CLSTN2: variants seen among roughly 807,000 people sequenced by gnomAD.
The protein encoded by CLSTN2 is calsyntenin 2.
A neutral mutation model predicts 101.2 loss-of-function variants in CLSTN2; 48 were observed. The ratio of observed to expected loss-of-function variants is 0.47; its 90% CI spans 0.38 to 0.60. The LOEUF (loss-of-function observed/expected upper bound fraction) is 0.60, where lower values mean the gene tolerates loss of function less well. Ranked by LOEUF, CLSTN2 falls within the 20% of genes least tolerant of loss-of-function variation. The pLI is 0.00. For missense variants in CLSTN2, 1,160 were observed against 1,238.2 expected (o/e 0.94, Z 0.95); for synonymous variants, 481 against 463.6 (o/e 1.04, Z -0.48).
intron 2 of CLSTN2, among the ~76,000 whole-genome samples, chr3:140,263,631 CA>C: frequency 6.6e-6 from 1 of 152,254 alleles, no homozygotes; most frequent in Middle Eastern, 3.4e-3. Flanking sequence ...AGATGCTCCC[CA>C]AAAAACTTAC....
intron 1 of CLSTN2, among the ~76,000 whole-genome samples, chr3:140,001,584 C>A (rs949530705): frequency 1.3e-5 from 2 of 151,986 alleles, no homozygotes; most frequent in African/African-American, 4.8e-5. Context: ...AGTGGGGTAT[C>A]TATCCCCTCA....
intron 8 of CLSTN2, among the ~76,000 whole-genome samples, chr3:140,502,520 G>C (rs761836716): frequency 2.6e-5 from 4 of 152,176 alleles, no homozygotes; most frequent in Non-Finnish European, 5.9e-5. Context: ...AACACCTTTT[G>C]GAAGATGAGC....
intron 2 of CLSTN2, among the ~76,000 whole-genome samples, chr3:140,223,504 A>G (rs1408726451): frequency 6.6e-6 from 1 of 152,110 alleles, no homozygotes; most frequent in Non-Finnish European, 1.5e-5. Context: ...CGAGAGATGC[A>G]CTTCCAGTTT....
chr3:140,520,496 C>T (rs1935001601), intron 8 of CLSTN2, among the ~76,000 whole-genome samples: 2 of 152,152 alleles, frequency 1.3e-5, no homozygotes, highest in African/African-American at 2.4e-5. Context: ...TCATGAGACT[C>T]ACTCACTATC....
intron 8 of CLSTN2, among the ~76,000 whole-genome samples, chr3:140,505,390 C>G (rs142868030): frequency 5.5e-4 from 84 of 152,276 alleles, no homozygotes; most frequent in African/African-American, 1.9e-3. Context: ...GCCACTCCCC[C>G]ACAGAGCAAT....
In CLSTN2 at chr3:140,204,420, AC is replaced by A. The variant is rs1002984765; in HGVS notation, c.232+28351del. On this transcript the variant is annotated intron_variant, in intron 2 of 16. Coordinates refer to ENST00000458420, the MANE Select transcript of CLSTN2 (RefSeq NM_022131.3). Reference sequence around the variant, plus strand: ...TAAAGTGAGGTTTATCACAGTACCTACCCCACATCCTTGAGGGGAGTATTAA... The same window carrying A: ...TAAAGTGAGGTTTATCACAGTACCTACCCACATCCTTGAGGGGAGTATTAA... Among the ~76,000 whole-genome samples, 57 of 152,150 alleles carry A rather than the reference AC, an allele frequency of 3.7e-4. 1 individual carries two copies. The highest frequency in any genetic ancestry group is 1.3e-3 in the African/African-American group (53 of 41,418).
chr3:140,130,973 CT>C (rs1235830338), intron 1 of CLSTN2, among the ~76,000 whole-genome samples: 5 of 152,070 alleles, frequency 3.3e-5, no homozygotes, highest in Non-Finnish European at 7.4e-5. Context: ...GTTTCTCCCC[CT>C]GGACCCCTTT....
chr3:140,466,390 G>C (rs1048625954), intron 7 of CLSTN2, among the ~76,000 whole-genome samples: 1 of 152,284 alleles, frequency 6.6e-6, no homozygotes, highest in South Asian at 2.1e-4. Context: ...TTCTCAGCAA[G>C]AGTTTGGCTG....
At chr3:140,143,964 T>C (rs566789398) in intron 1 of CLSTN2, among the ~76,000 whole-genome samples, 2 of 152,202 alleles carry the variant, frequency 1.3e-5, no homozygotes, top group Non-Finnish European at 2.9e-5. Context: ...ACTTAATAGA[T>C]GTCTTTTGGA....
chr3:140,366,779 G>A (rs954254206), intron 2 of CLSTN2, among the ~76,000 whole-genome samples: 2 of 152,208 alleles, frequency 1.3e-5, no homozygotes, highest in African/African-American at 4.8e-5. Flanking sequence ...ATTTGTCCTT[G>A]TACTCAGGAC....
intron 1 of CLSTN2, among the ~76,000 whole-genome samples, chr3:140,092,564 G>A (rs2008797080): frequency 6.6e-6 from 1 of 152,162 alleles, no homozygotes; most frequent in Non-Finnish European, 1.5e-5. Flanking sequence ...TTCTTCCCAG[G>A]ACTGTGCTCC....
chr3:140,139,161 G>C (rs558346970), intron 1 of CLSTN2, among the ~76,000 whole-genome samples: 1 of 152,302 alleles, frequency 6.6e-6, no homozygotes, highest in Non-Finnish European at 1.5e-5. Context: ...AAGGGAGAGA[G>C]AGCATGTTGC....
In CLSTN2 at chr3:140,177,477, G is replaced by T. The variant is rs578068776; in HGVS notation, c.232+1404G>T. Reference sequence around the variant, plus strand: ...GTAAAAATGTTTGGGTCATGGAAATGTTTGGTTTATTATGCACTTAAAAAA... The same window carrying T: ...GTAAAAATGTTTGGGTCATGGAAATTTTTGGTTTATTATGCACTTAAAAAA... On this transcript the variant is annotated intron_variant, in intron 2 of 16. Transcript: ENST00000458420. Among the ~76,000 whole-genome samples, 68 of 152,210 alleles carry T rather than the reference G, an allele frequency of 4.5e-4. 1 individual carries two copies. The highest frequency in any genetic ancestry group is 3.4e-3 in the Middle Eastern group (1 of 294).
rs1267365472 is a variant in CLSTN2 at position 140,419,494 on chromosome 3, A to AATAT, written c.638-1615_638-1612dup. Among the ~76,000 whole-genome samples the AATAT allele has an allele frequency of 3.6e-5, 2 of 55,010 alleles. 1 individual carries two copies. Among genetic ancestry groups the AATAT allele is most frequent in the South Asian group, 9.1e-4 (2 of 2,208 alleles). The allele number at this position is 55,010 out of a possible 152,430, so 36.1% of individuals were successfully genotyped here. Reference sequence around the variant, plus strand: ...CCAGACTCTGTCTCAAAAAAAAAAAAATATATATATATATATATACACACA... The same window carrying AATAT: ...CCAGACTCTGTCTCAAAAAAAAAAAAATATATATATATATATATATATACACACA... On this transcript the variant is annotated intron_variant, in intron 4 of 16. Transcript: ENST00000458420.
intron 1 of CLSTN2, among the ~76,000 whole-genome samples, chr3:140,086,401 C>A (rs993104571): frequency 1.3e-5 from 2 of 152,080 alleles, no homozygotes; most frequent in East Asian, 3.9e-4. Context: ...TGACTTAAAC[C>A]CTTTGTGACT....
chr3:140,006,047 A>T (rs987808874), intron 1 of CLSTN2, among the ~76,000 whole-genome samples: 2 of 152,210 alleles, frequency 1.3e-5, no homozygotes, highest in Non-Finnish European at 2.9e-5. Flanking sequence ...ATGATTCAGA[A>T]ACCAGAGTTG....
rs1377121672 is a variant in CLSTN2, at chr3:140,568,262, C to T, written c.*2009C>T. ...AAAGCTGAATAAGATAAGCTCCTTCCCTACATTATATTTGCAGACGGGAAA... is the reference window on the plus strand; with the variant it reads ...AAAGCTGAATAAGATAAGCTCCTTCTCTACATTATATTTGCAGACGGGAAA... On this transcript the variant is annotated 3_prime_UTR_variant, in exon 17 of 17. Coordinates refer to ENST00000458420, the MANE Select transcript of CLSTN2 (RefSeq NM_022131.3). The T allele has an allele frequency of 1.3e-5, 2 of 152,190 alleles. No individual in the cohort carries two copies. The highest frequency in any genetic ancestry group is 2.4e-5 in the African/African-American group (1 of 41,430). 9.4% of individuals were successfully genotyped at this position (152,190 alleles called of 1,614,324 possible).
At chr3:140,291,937 G>A (rs2086958089) in intron 2 of CLSTN2, among the ~76,000 whole-genome samples, 1 of 151,840 alleles carries the variant, frequency 6.6e-6, no homozygotes, top group African/African-American at 2.4e-5. Context: ...CCACCTGGAG[G>A]ACCACATGAG....
chr3:140,433,600 AG>A (rs1420245713), intron 5 of CLSTN2, among the ~76,000 whole-genome samples: 1 of 152,248 alleles, frequency 6.6e-6, no homozygotes, highest in Non-Finnish European at 1.5e-5. Context: ...AGAAAGACCC[AG>A]GTTCAAATCC....
Sources: gnomAD v4.1 joint callset for allele counts (sites outside exome capture counted in the v4.1 genomes callset) on GRCh38, gnomAD v4.1.1 for gene constraint, MANE v1.5 for transcripts, NCBI Gene and HGNC (gene_info 2026-07-23, HGNC 2026-07-21) for gene names.